ZBTB20: variants seen among roughly 807,000 people sequenced by gnomAD.
ZBTB20 encodes the protein zinc finger and BTB domain-containing protein 20.
A neutral mutation model predicts 56.9 loss-of-function variants in ZBTB20; 9 were observed. The ratio of observed to expected loss-of-function variants is 0.16; its 90% CI spans 0.10 to 0.28. The LOEUF (loss-of-function observed/expected upper bound fraction) is 0.28. Among genes scored for constraint, ZBTB20 ranks in the 10% least tolerant of loss-of-function variants. The pLI is 1.00. For synonymous variants in ZBTB20, 417 were observed against 420.7 expected, an observed-to-expected ratio of 0.99 and a Z score of 0.11; for missense variants, 655 against 1,003.0, an observed-to-expected ratio of 0.65 and a Z score of 4.69.
At chr3:114,354,583 G>GTTTTTT (rs1310151895) in intron 10 of ZBTB20, among the ~76,000 whole-genome samples, 5 of 45,412 alleles carry the variant, frequency 1.1e-4, no homozygotes, top group Non-Finnish European at 1.1e-4. Context: ...GTTTTGTTTT[G>GTTTTTT]TTTGTTTTTT....
chr3:114,877,778 C>CT (rs906964870), intron 4 of ZBTB20, among the ~76,000 whole-genome samples: 93 of 152,050 alleles, frequency 6.1e-4, no homozygotes, highest in African/African-American at 1.9e-3. Context: ...AATACACCTG[C>CT]TTTTTTTTCT....
chr3:115,114,818 AAT>A (rs1419076524), intron 1 of ZBTB20, among the ~76,000 whole-genome samples: 1 of 152,138 alleles, frequency 6.6e-6, no homozygotes, highest in Non-Finnish European at 1.5e-5. Context: ...AGACAGATCG[AAT>A]ATGTTATTTT....
At chr3:114,657,767 G>C (rs1270690072) in intron 6 of ZBTB20, among the ~76,000 whole-genome samples, 1 of 151,714 alleles carries the variant, frequency 6.6e-6, no homozygotes, top group Non-Finnish European at 1.5e-5. Context: ...AACTGCTTTT[G>C]GTCACTCTCC....
chr3:115,003,684 AAAC>A (rs1255736500), intron 2 of ZBTB20, among the ~76,000 whole-genome samples: 3 of 151,592 alleles, frequency 2.0e-5, no homozygotes, highest in Non-Finnish European at 4.4e-5. Context: ...AAACAAAACA[AAAC>A]AACAACAAAA....
intron 3 of ZBTB20, among the ~76,000 whole-genome samples, chr3:114,920,033 GT>G (rs1448141834): frequency 6.6e-6 from 1 of 151,962 alleles, no homozygotes; most frequent in Non-Finnish European, 1.5e-5. Flanking sequence ...CACAAAGAAG[GT>G]CATTAAATGA....
chr3:114,870,378 T>C (rs1376140422), intron 4 of ZBTB20, among the ~76,000 whole-genome samples: 1 of 150,314 alleles, frequency 6.7e-6, no homozygotes, highest in Non-Finnish European at 1.5e-5. Flanking sequence ...CACAAGAAAT[T>C]AGGGCCATCT....
At chr3:114,642,711 A>G (rs956323461) in intron 6 of ZBTB20, among the ~76,000 whole-genome samples, 1 of 152,110 alleles carries the variant, frequency 6.6e-6, no homozygotes, top group African/African-American at 2.4e-5. Context: ...AAGTTAATTC[A>G]TAATAGCTCT....
chr3:115,065,006 A>G lies in ZBTB20; in HGVS notation c.-507+6213T>C, dbSNP rs79434937. ...TTGGGGCTGAAAAATTTTACCATAT[A>G]CTTTTATAACAGTTTCCTCCCTATC... is the stretch of plus-strand genomic sequence containing the variant. On this transcript the variant is annotated intron_variant, in intron 2 of 11. Transcript: ENST00000675478. Among the ~76,000 whole-genome samples the G allele has an allele frequency of 7.7e-3, 1,168 of 152,150 alleles. 18 individuals carry two copies. Among genetic ancestry groups the G allele is most frequent in the African/African-American group, 0.026 (1,083 of 41,518 alleles).
At chr3:114,696,384 C>A (rs977764633) in intron 5 of ZBTB20, among the ~76,000 whole-genome samples, 1 of 151,956 alleles carries the variant, frequency 6.6e-6, no homozygotes, top group Non-Finnish European at 1.5e-5. Flanking sequence ...CACTAATGAT[C>A]GCATCCATCC....
intron 2 of ZBTB20, among the ~76,000 whole-genome samples, chr3:114,984,601 T>A (rs2078458620): frequency 6.6e-6 from 1 of 152,014 alleles, no homozygotes; most frequent in Admixed American, 6.6e-5. Context: ...TATCTCAGTG[T>A]ATTCTCTCTT....
At chr3:114,827,006 T>A (rs531427592) in intron 4 of ZBTB20, among the ~76,000 whole-genome samples, 2 of 151,426 alleles carry the variant, frequency 1.3e-5, no homozygotes, top group African/African-American at 4.8e-5. Flanking sequence ...TGCGTAAGGG[T>A]TTTTTTCCCT....
intron 6 of ZBTB20, among the ~76,000 whole-genome samples, chr3:114,525,284 C>T (rs1004272995): frequency 3.9e-5 from 6 of 152,038 alleles, no homozygotes; most frequent in Admixed American, 1.3e-4. Context: ...TTAATAAATG[C>T]CCCCTATAAC....
chr3:114,527,464 G>C (rs2047362395), intron 6 of ZBTB20: 1 of 152,226 alleles, frequency 6.6e-6, no homozygotes, highest in Non-Finnish European at 1.5e-5. Flanking sequence ...TCCAGATACT[G>C]CTACCCCTTT....
chr3:114,585,511 A>T (rs1315527025), intron 6 of ZBTB20, among the ~76,000 whole-genome samples: 3 of 152,182 alleles, frequency 2.0e-5, no homozygotes. Context: ...TGCAGGAAGA[A>T]ATCTATTTCT....
chr3:114,641,508 A>G (rs1317947544), intron 6 of ZBTB20, among the ~76,000 whole-genome samples: 1 of 151,760 alleles, frequency 6.6e-6, no homozygotes, highest in Non-Finnish European at 1.5e-5. Flanking sequence ...GGTTTCTTAT[A>G]TAGATAATTT....
intron 7 of ZBTB20, among the ~76,000 whole-genome samples, chr3:114,441,361 C>T (rs1450734135): frequency 6.6e-6 from 1 of 152,086 alleles, no homozygotes; most frequent in Non-Finnish European, 1.5e-5. Flanking sequence ...TTATAAGTTT[C>T]AATTCTCCTA....
At chr3:114,643,319 C>G (rs2107932270) in intron 6 of ZBTB20, among the ~76,000 whole-genome samples, 1 of 152,098 alleles carries the variant, frequency 6.6e-6, no homozygotes, top group African/African-American at 2.4e-5. Flanking sequence ...ACTTCTTGTT[C>G]TAAATAATTT....
chr3:114,541,959 A>T (rs2049163316), intron 6 of ZBTB20, among the ~76,000 whole-genome samples: 1 of 152,192 alleles, frequency 6.6e-6, no homozygotes, highest in South Asian at 2.1e-4. Context: ...GTTTATAGTA[A>T]TAGATCAACT....
intron 11 of ZBTB20, among the ~76,000 whole-genome samples, chr3:114,343,059 G>A (rs1322629532): frequency 6.7e-6 from 1 of 150,222 alleles, no homozygotes; most frequent in Non-Finnish European, 1.5e-5. Flanking sequence ...AAAAGTATAC[G>A]TTTTTCTCAA....
Sources: allele counts gnomAD v4.1 joint callset (sites outside exome capture counted in the v4.1 genomes callset), GRCh38; gene constraint gnomAD v4.1.1; transcripts MANE v1.5; gene names NCBI Gene and HGNC (gene_info 2026-07-23, HGNC 2026-07-21).